The following PCDH15 variants were observed in gnomAD, a reference collection of about 807,000 sequenced individuals.
The protein encoded by PCDH15 is protocadherin-15.
A neutral mutation model predicts 178.5 loss-of-function variants in PCDH15; 129 were observed. That is an observed-to-expected ratio of 0.72 (90% CI 0.63 to 0.84). The LOEUF is 0.84. PCDH15 is among the 40% of genes least tolerant of loss of function. The pLI, the probability that PCDH15 is intolerant of heterozygous loss-of-function variation, is 0.00. For synonymous variants in PCDH15, 800 were observed against 732.0 expected (o/e 1.09, Z -1.50); for missense variants, 2,230 against 2,099.9 (o/e 1.06, Z -1.21).
intron 3 of PCDH15, among the ~76,000 whole-genome samples, chr10:54,840,353 A>G (rs1340338467): frequency 6.6e-6 from 1 of 152,012 alleles, no homozygotes; most frequent in East Asian, 1.9e-4. Context: ...ATAGCAATTT[A>G]GTTAAGTTGC....
chr10:53,932,680 C>T (rs925686543), intron 25 of PCDH15, among the ~76,000 whole-genome samples: 18 of 152,144 alleles, frequency 1.2e-4, no homozygotes, highest in South Asian at 2.1e-4. Flanking sequence ...TTTTAATTCG[C>T]GTGACCATTT....
intron 3 of PCDH15, among the ~76,000 whole-genome samples, chr10:54,394,790 G>A (rs887081030): frequency 1.3e-5 from 2 of 152,164 alleles, no homozygotes; most frequent in African/African-American, 4.8e-5. Context: ...CTAAGAGGCA[G>A]GCGCACCTGG....
At chr10:54,204,764 G>A (rs1338901906) in intron 10 of PCDH15, among the ~76,000 whole-genome samples, 2 of 152,058 alleles carry the variant, frequency 1.3e-5, no homozygotes. Context: ...ATGAAGATAC[G>A]TGAAAATTAA....
chr10:54,796,274 GTA>G (rs1951983541), intron 1 of PCDH15, among the ~76,000 whole-genome samples: 144 of 56,994 alleles, frequency 2.5e-3, no homozygotes, highest in Admixed American at 8.4e-3. Context: ...ATCTATCTAT[GTA>G]TCTATGTATC....
At chr10:54,311,136 T>C (rs984984690) in intron 8 of PCDH15, among the ~76,000 whole-genome samples, 1 of 152,084 alleles carries the variant, frequency 6.6e-6, no homozygotes, top group Non-Finnish European at 1.5e-5. Context: ...CACTAGAAAT[T>C]ATTGGGATCC....
intron 2 of PCDH15, among the ~76,000 whole-genome samples, chr10:54,627,445 G>C (rs1021952938): frequency 2.6e-5 from 4 of 152,026 alleles, no homozygotes; most frequent in Non-Finnish European, 5.9e-5. Flanking sequence ...GAGATCTGAT[G>C]GTTTTAAAAA....
chr10:54,233,554 C>G (rs1211386474), intron 9 of PCDH15, among the ~76,000 whole-genome samples: 1 of 152,118 alleles, frequency 6.6e-6, no homozygotes, highest in African/African-American at 2.4e-5. Flanking sequence ...CTAACATGAT[C>G]TATACTGAAG....
At chr10:53,987,976 G>A (rs568658244) in intron 21 of PCDH15, among the ~76,000 whole-genome samples, 3 of 152,138 alleles carry the variant, frequency 2.0e-5, no homozygotes, top group Non-Finnish European at 4.4e-5. Context: ...TTCATTCTTA[G>A]AGAATGGATT....
At chr10:54,900,156 T>C (rs1954616437) in intron 2 of PCDH15, among the ~76,000 whole-genome samples, 1 of 152,222 alleles carries the variant, frequency 6.6e-6, no homozygotes, top group South Asian at 2.1e-4. Flanking sequence ...GTATCTGCCA[T>C]CTTCCTAGAC....
chr10:54,418,590 G>T (rs968815008), intron 3 of PCDH15, among the ~76,000 whole-genome samples: 7 of 151,740 alleles, frequency 4.6e-5, no homozygotes, highest in Non-Finnish European at 8.8e-5. Context: ...GCATAACATT[G>T]TACAATCACC....
intron 3 of PCDH15, among the ~76,000 whole-genome samples, chr10:54,405,323 C>A (rs753267872): frequency 2.6e-5 from 4 of 151,974 alleles, no homozygotes; most frequent in Non-Finnish European, 5.9e-5. Flanking sequence ...GCGGTACATT[C>A]CATGTGTACC....
At chr10:54,069,586 C>T (rs1051646832) in intron 17 of PCDH15, among the ~76,000 whole-genome samples, 1 of 151,878 alleles carries the variant, frequency 6.6e-6, no homozygotes, top group Admixed American at 6.6e-5. Flanking sequence ...TTTTTAATAC[C>T]ACTTGCTTCA....
At chr10:54,513,631 G>A (rs925895799) in intron 3 of PCDH15, among the ~76,000 whole-genome samples, 3 of 152,070 alleles carry the variant, frequency 2.0e-5, no homozygotes, top group Non-Finnish European at 4.4e-5. Context: ...TTTTATACAT[G>A]CAAGGTGAAT....
chr10:55,476,896 C>T (rs796622367), intron 2 of PCDH15, among the ~76,000 whole-genome samples: 12 of 152,016 alleles, frequency 7.9e-5, no homozygotes, highest in African/African-American at 2.4e-4. Context: ...TGCCTCTCCC[C>T]TCGTGCCTTT....
chr10:55,386,197 G>C (rs2132007857), intron 2 of PCDH15, among the ~76,000 whole-genome samples: 1 of 151,800 alleles, frequency 6.6e-6, no homozygotes, highest in East Asian at 1.9e-4. Flanking sequence ...ATATTACACA[G>C]GTCACTAACC....
At chr10:54,131,838 G>A (rs918539428) in intron 15 of PCDH15, among the ~76,000 whole-genome samples, 1 of 152,178 alleles carries the variant, frequency 6.6e-6, no homozygotes. Context: ...TAAGATTGAT[G>A]TGTTATTTTT....
At chr10:54,421,445 G>A (rs1955289143) in intron 3 of PCDH15, among the ~76,000 whole-genome samples, 2 of 147,824 alleles carry the variant, frequency 1.4e-5, no homozygotes, top group South Asian at 2.2e-4. Context: ...TTAGTGAGCT[G>A]GACTATATAA....
intron 4 of PCDH15, among the ~76,000 whole-genome samples, chr10:54,378,530 G>A (rs749081703): frequency 1.1e-4 from 17 of 151,886 alleles, no homozygotes; most frequent in Admixed American, 2.6e-4. Flanking sequence ...TTTTTTCTAA[G>A]CACTATATTT....
Position 55,169,115 on chromosome 10 carries a change from A to AT in PCDH15, c.-155-2465dup, listed in dbSNP as rs200921240. Among the ~76,000 whole-genome samples, 1,065 of 152,276 alleles carry AT rather than the reference A, an allele frequency of 7.0e-3. 7 individuals carry two copies. Among genetic ancestry groups the AT allele is most frequent in the African/African-American group, 0.024 (1,013 of 41,574 alleles). On this transcript the variant is annotated intron_variant, in intron 1 of 5. Transcript: ENST00000458638. ...GTTCTACCTAATACCGAAAATAAAC[A>AT]TTTTTAACCGCTCTTAACTACTTCA...
Sources: gnomAD v4.1 joint callset for allele counts (sites outside exome capture counted in the v4.1 genomes callset) on GRCh38, gnomAD v4.1.1 for gene constraint, MANE v1.5 for transcripts, NCBI Gene and HGNC (gene_info 2026-07-23, HGNC 2026-07-21) for gene names.